The following NOVA2 variants were observed in gnomAD, a reference collection of about 807,000 sequenced individuals.
NOVA2 encodes the protein NOVA alternative splicing regulator 2.
In NOVA2, 9 loss-of-function variants were observed where a neutral mutation model predicts 22.5. The ratio of observed to expected loss-of-function variants is 0.40; its 90% CI spans 0.24 to 0.70. NOVA2 has a LOEUF of 0.70. Among genes scored for constraint, NOVA2 ranks in the 30% least tolerant of loss-of-function variants. NOVA2 has a pLI of 0.38. For missense variants in NOVA2, 383 were observed against 682.8 expected, an observed-to-expected ratio of 0.56 and a Z score of 4.89; for synonymous variants, 318 against 335.2, an observed-to-expected ratio of 0.95 and a Z score of 0.56.
chr19:45,971,447 G>T, intron 1 of NOVA2, among the ~76,000 whole-genome samples: 1 of 152,032 alleles, frequency 6.6e-6, no homozygotes, highest in East Asian at 1.9e-4. Flanking sequence ...TGTGCTGGGG[G>T]TGGGGGAGCA....
intron 2 of NOVA2, among the ~76,000 whole-genome samples, chr19:45,955,766 G>A (rs931467094): frequency 1.3e-5 from 2 of 151,954 alleles, no homozygotes; most frequent in African/African-American, 4.8e-5. Context: ...GCTGAGACAG[G>A]AGAATCGCTT....
intron 1 of NOVA2, among the ~76,000 whole-genome samples, chr19:45,964,938 G>A (rs569233802): frequency 6.6e-6 from 1 of 152,228 alleles, no homozygotes; most frequent in Non-Finnish European, 1.5e-5. Flanking sequence ...GGGGCTAGAT[G>A]TGGCTTTGCA....
chr19:45,953,751 A>G (rs1338805803), intron 3 of NOVA2, 29 bp downstream of exon 3: 2 of 1,613,578 alleles, frequency 1.2e-6, no homozygotes, highest in African/African-American at 1.3e-5. Flanking sequence ...CAACAGCTTT[A>G]CAGCAACCCA....
intron 2 of NOVA2, among the ~76,000 whole-genome samples, chr19:45,954,732 G>A (rs934938294): frequency 2.0e-5 from 3 of 151,440 alleles, no homozygotes; most frequent in East Asian, 3.9e-4. Flanking sequence ...TCTCATTTCT[G>A]CATGAGAGTG....
Sources: allele counts gnomAD v4.1 joint callset (sites outside exome capture counted in the v4.1 genomes callset), GRCh38; gene constraint gnomAD v4.1.1; transcripts MANE v1.5; gene names NCBI Gene and HGNC (gene_info 2026-07-23, HGNC 2026-07-21).